Variants in VIPR2 observed in about 807,000 individuals in gnomAD.
The protein encoded by VIPR2 is vasoactive intestinal polypeptide receptor 2.
In VIPR2, 48 loss-of-function variants were observed where a neutral mutation model predicts 58.0. That is an observed-to-expected ratio of 0.83 (90% CI 0.66 to 1.05). The LOEUF is 1.05. Among genes scored for constraint, VIPR2 ranks in the 50% least tolerant of loss-of-function variants. The pLI, the probability that VIPR2 is intolerant of heterozygous loss-of-function variation, is 0.00. For synonymous variants in VIPR2, 243 were observed against 235.2 expected (o/e 1.03, Z -0.30); for missense variants, 534 against 558.0 (o/e 0.96, Z 0.43).
chr7:159,050,076 C>T (rs180988017), intron 5 of VIPR2, among the ~76,000 whole-genome samples: 22 of 152,316 alleles, frequency 1.4e-4, no homozygotes, highest in Admixed American at 9.8e-4. Flanking sequence ...GTGGCTCACG[C>T]GTGTAATCCT....
intron 5 of VIPR2, among the ~76,000 whole-genome samples, chr7:159,047,000 C>T (rs1186794607): frequency 3.3e-5 from 5 of 152,046 alleles, no homozygotes; most frequent in African/African-American, 4.8e-5. Context: ...TTTGGGAGGC[C>T]GAGGCACGTG....
intron 4 of VIPR2, among the ~76,000 whole-genome samples, chr7:159,071,098 G>A (rs959035420): frequency 5.9e-5 from 9 of 152,188 alleles, no homozygotes; most frequent in Non-Finnish European, 1.0e-4. Context: ...GAGGTGGGTC[G>A]AGCAACTTCC....
At chr7:159,079,148 A>G (rs991668045) in intron 4 of VIPR2, among the ~76,000 whole-genome samples, 4 of 152,228 alleles carry the variant, frequency 2.6e-5, no homozygotes, top group Non-Finnish European at 4.4e-5. Context: ...AAATGCAGGT[A>G]GGGACTGACC....
At chr7:159,046,704 A>G (rs956670472) in intron 5 of VIPR2, among the ~76,000 whole-genome samples, 1 of 152,176 alleles carries the variant, frequency 6.6e-6, no homozygotes, top group African/African-American at 2.4e-5. Context: ...TTTTACCACA[A>G]ATTTTGGAAA....
At chr7:159,140,109 TAAAGAG>T (rs914662772) in intron 2 of VIPR2, among the ~76,000 whole-genome samples, 63 of 152,150 alleles carry the variant, frequency 4.1e-4, no homozygotes, top group Non-Finnish European at 1.3e-4. Context: ...CAACATGTAA[TAAAGAG>T]AAACATTTCC....
intron 2 of VIPR2, among the ~76,000 whole-genome samples, chr7:159,121,102 T>C (rs6959433): frequency 0.064 from 9,760 of 152,128 alleles, 866 homozygotes; most frequent in African/African-American, 0.21. Flanking sequence ...CTCCCTCCCA[T>C]GCCCAGGGCG....
chr7:159,103,616 C>A, intron 4 of VIPR2, 141 bp downstream of exon 4: 1 of 669,728 alleles, frequency 1.5e-6, no homozygotes, highest in Non-Finnish European at 2.6e-6. Context: ...CTTCGCTTAA[C>A]TTGGAAAGCA....
chr7:159,054,755 TTCA>T (rs1255235185), intron 5 of VIPR2, among the ~76,000 whole-genome samples: 1 of 152,210 alleles, frequency 6.6e-6, no homozygotes, highest in Non-Finnish European at 1.5e-5. Context: ...CTTGGCAGCA[TTCA>T]TTTTTTAATA....
intron 4 of VIPR2, among the ~76,000 whole-genome samples, chr7:159,081,960 A>G (rs1021140065): frequency 2.0e-5 from 3 of 152,212 alleles, no homozygotes; most frequent in African/African-American, 7.2e-5. Context: ...AAAAGTCAGG[A>G]AACAACAGGT....
intron 4 of VIPR2, among the ~76,000 whole-genome samples, chr7:159,101,925 GTTCCTGTGGTAGTGAATGA>G (rs1350956810): frequency 4.3e-5 from 6 of 140,262 alleles, no homozygotes; most frequent in African/African-American, 1.6e-4. Context: ...GGTTCCAACT[GTTCCTGTGGTAGTGAATGA>G]GTCTCACGAG....
At chr7:159,068,629 A>G (rs1337338097) in intron 4 of VIPR2, among the ~76,000 whole-genome samples, 1 of 152,200 alleles carries the variant, frequency 6.6e-6, no homozygotes, top group Non-Finnish European at 1.5e-5. Context: ...TGTGAGGGAG[A>G]AAGCAGATCC....
At chr7:159,083,758 G>A (rs141921245) in intron 4 of VIPR2, among the ~76,000 whole-genome samples, 97 of 152,380 alleles carry the variant, frequency 6.4e-4, no homozygotes, top group African/African-American at 2.1e-3. Context: ...GCAACATTTG[G>A]AAGAGAACCT....
At chr7:159,075,079 G>A (rs751150522) in intron 4 of VIPR2, among the ~76,000 whole-genome samples, 19 of 152,214 alleles carry the variant, frequency 1.2e-4, no homozygotes, top group Non-Finnish European at 2.5e-4. Context: ...TGTTCTGTTA[G>A]CCTTAGACTA....
intron 4 of VIPR2, among the ~76,000 whole-genome samples, chr7:159,075,984 G>A (rs1433536956): frequency 6.6e-6 from 1 of 152,232 alleles, no homozygotes; most frequent in African/African-American, 2.4e-5. Flanking sequence ...CCTTTGTGTT[G>A]AGCTTGCCCA....
At position 159,058,512 on chromosome 7, in the gene VIPR2, C is replaced by T; in HGVS notation, c.424G>A (p.Ala142Thr). 1 of 1,613,460 alleles carries T rather than the reference C, an allele frequency of 6.2e-7. No individual in the cohort carries two copies. The highest frequency in any genetic ancestry group is 8.5e-7 in the Non-Finnish European group (1 of 1,179,438). Reference protein sequence around the residue: ...LGYSVSLMSLATGSIILCLFR... With the variant: ...LGYSVSLMSLTTGSIILCLFR... ...AGGCACAGAATTATGCTTCCTGTTGCAAGAGACATCAGAGAGACACTGTAG... is the reference window on the plus strand; with the variant it reads ...AGGCACAGAATTATGCTTCCTGTTGTAAGAGACATCAGAGAGACACTGTAG... Residue 142 changes from alanine (A) to threonine (T), a missense_variant, in exon 5 of 13, where the codon GCA (alanine) becomes ACA (threonine). This residue lies in a region of VIPR2 where 224 missense variants were observed against 255.7 expected (regional missense o/e 0.88). Coordinates refer to ENST00000262178, the MANE Select transcript of VIPR2 (RefSeq NM_003382.5).
chr7:159,070,203 G>A (rs1297803702), intron 4 of VIPR2, among the ~76,000 whole-genome samples: 1 of 152,168 alleles, frequency 6.6e-6, no homozygotes, highest in Non-Finnish European at 1.5e-5. Context: ...GGAAAGCAAA[G>A]GCATATAAGG....
intron 4 of VIPR2, among the ~76,000 whole-genome samples, chr7:159,086,675 G>C (rs765081419): frequency 3.3e-5 from 5 of 152,218 alleles, no homozygotes; most frequent in Non-Finnish European, 4.4e-5. Flanking sequence ...TCCATGGCCA[G>C]GTGTTGTGCC....
chr7:159,047,092 G>A (rs1324009611), intron 5 of VIPR2, among the ~76,000 whole-genome samples: 9 of 152,144 alleles, frequency 5.9e-5, no homozygotes, highest in Middle Eastern at 6.8e-3. Flanking sequence ...AAAATTAGCC[G>A]GGCTTGGTGG....
At chr7:159,045,687 C>T (rs1854602812) in intron 5 of VIPR2, among the ~76,000 whole-genome samples, 1 of 152,000 alleles carries the variant, frequency 6.6e-6, no homozygotes, top group Non-Finnish European at 1.5e-5. Flanking sequence ...GTGGTGTCAG[C>T]CACAAGTCTA....
Sources: allele counts gnomAD v4.1 joint callset (sites outside exome capture counted in the v4.1 genomes callset), GRCh38; gene constraint gnomAD v4.1.1; regional missense constraint gnomAD v4.1.1; transcripts MANE v1.5; gene names NCBI Gene and HGNC (gene_info 2026-07-23, HGNC 2026-07-21).